The following PLEKHG3 variants were observed in gnomAD, a reference collection of about 807,000 sequenced individuals.
The protein encoded by PLEKHG3 is pleckstrin homology domain-containing family G member 3.
Under a neutral mutation model 94.9 loss-of-function variants are expected in PLEKHG3, and 62 were observed. That is an observed-to-expected ratio of 0.65 (90% CI 0.53 to 0.81). The LOEUF (loss-of-function observed/expected upper bound fraction) is 0.81. Among genes scored for constraint, PLEKHG3 ranks in the 30% least tolerant of loss-of-function variants. The pLI is 0.00. For synonymous variants in PLEKHG3, 614 were observed against 654.0 expected, an observed-to-expected ratio of 0.94 and a Z score of 0.93; for missense variants, 1,461 against 1,619.3, an observed-to-expected ratio of 0.90 and a Z score of 1.68.
chr14:64,741,257 A>G lies in PLEKHG3; in HGVS notation c.1740A>G (p.Glu580=). 7 of 1,613,990 alleles carry G rather than the reference A, an allele frequency of 4.3e-6. No homozygotes were observed. The highest frequency in any genetic ancestry group is 5.9e-6 in the Non-Finnish European group (7 of 1,180,000). ...TTAAGGCCCTGAGCAGCGAGGAGGA[A>G]GAAGAAATGGGAGGTGCCGCCCAGG... ...EDLKALSSEE[E]EEMGGAAQEP... is the part of the protein sequence containing the mutation. The change falls in exon 16 of 17, where the codon GAA becomes GAG. Residue 580 remains glutamate (E), a synonymous_variant. Transcript: ENST00000247226.
intron 1 of PLEKHG3, among the ~76,000 whole-genome samples, chr14:64,709,367 A>G (rs920029084): frequency 1.3e-5 from 2 of 152,200 alleles, no homozygotes; most frequent in African/African-American, 4.8e-5. Flanking sequence ...ACTAGGGAGA[A>G]GAGGGCTTTA....
In PLEKHG3 at chr14:64,729,081, A is replaced by G. The variant is rs2081407178; in HGVS notation, c.437A>G (p.Tyr146Cys). Residue 146 changes from tyrosine to cysteine, a missense_variant, in exon 3 of 17, where the codon TAC becomes TGC. By Grantham distance (194) the Tyr-to-Cys change is radical. This residue lies in a region of PLEKHG3 where 253 missense variants were observed against 297.8 expected (regional missense o/e 0.85). Transcript: ENST00000247226. ...CTCTTTGGGAACATAGAAAATATCT[A>G]CGCGCTGAACAGGTGTGTGAATGGG... ...SALFGNIENIYALNSQLLRDL... is the reference protein window; with the variant it reads ...SALFGNIENICALNSQLLRDL... 2 of 1,482,028 alleles carry G rather than the reference A, an allele frequency of 1.3e-6. No homozygotes were observed. Among genetic ancestry groups the G allele is most frequent in the African/African-American group, 1.4e-5 (1 of 71,772 alleles). The allele number at this position is 1,482,028 out of a possible 1,614,324, so 91.8% of individuals were successfully genotyped here.
chr14:64,730,350 C>T lies in PLEKHG3; in HGVS notation c.519+38C>T. The T allele has an allele frequency of 7.4e-7, 1 of 1,342,502 alleles. No homozygotes were observed. The highest frequency in any genetic ancestry group is 1.0e-6 in the Non-Finnish European group (1 of 970,124). 83.2% of individuals were successfully genotyped at this position (1,342,502 alleles called of 1,614,324 possible). The stretch of plus-strand genomic sequence containing the variant: ...GGGTCCTTGCCTCTGTCCTACCTTG[C>T]TGAGAGCTCAGAGAGACAAGAACTG... On this transcript the variant is annotated intron_variant, in intron 4 of 16. Coordinates refer to ENST00000247226, the MANE Select transcript of PLEKHG3 (RefSeq NM_001308147.2). The surrounding 1 kb of genome is among the most constrained non-coding windows in gnomAD (Gnocchi z 5.4).
In PLEKHG3 at chr14:64,730,777, C is replaced by G; in HGVS notation, c.567-22C>G. On this transcript the variant is annotated intron_variant, in intron 5 of 16. Coordinates refer to ENST00000247226, the MANE Select transcript of PLEKHG3 (RefSeq NM_001308147.2). This position sits in a 1 kb window ranked among gnomAD's most constrained non-coding sequence, Gnocchi z 5.4. ...CATCCAGGCCTTCCCCAGGTGGTGACTGGCCCTTCTCCCACTCCCAGCTCC... is the reference window on the plus strand; with the variant it reads ...CATCCAGGCCTTCCCCAGGTGGTGAGTGGCCCTTCTCCCACTCCCAGCTCC... The G allele has an allele frequency of 6.2e-7, 1 of 1,612,284 alleles. No homozygotes were observed. The highest frequency in any genetic ancestry group is 8.5e-7 in the Non-Finnish European group (1 of 1,178,648).
intron 12 of PLEKHG3, among the ~76,000 whole-genome samples, chr14:64,735,839 A>G (rs2081559291): frequency 1.3e-5 from 2 of 152,228 alleles, no homozygotes; most frequent in Non-Finnish European, 2.9e-5. Flanking sequence ...ATTGATAATT[A>G]AGTTCTATTG....
At position 64,728,491 on chromosome 14, in the gene PLEKHG3, T is replaced by G. The variant is rs1290409176; in HGVS notation, c.352-505T>G. ...CCTTAACAAATGACCACACACTGGG[T>G]GGCTTAAAACAGCAAATGTGTTCTC... On this transcript the variant is annotated intron_variant, in intron 2 of 16. Coordinates refer to ENST00000247226, the MANE Select transcript of PLEKHG3 (RefSeq NM_001308147.2). This position sits in a 1 kb window ranked among gnomAD's most constrained non-coding sequence, Gnocchi z 5.9. 6.6e-6 allele frequency among the ~76,000 whole-genome samples: 1 copy of G among 152,236 alleles called. No individual in the cohort carries two copies. The highest frequency in any genetic ancestry group is 1.5e-5 in the Non-Finnish European group (1 of 68,032).
At position 64,737,454 on chromosome 14, in the gene PLEKHG3, C is replaced by T. The variant is rs978827730; in HGVS notation, c.1404+79C>T. The stretch of plus-strand genomic sequence containing the variant: ...AGGTCAGCCCCCGGCCCCTTCAGCC[C>T]TCATTGTCTTCATTCATTCAACAAA... On this transcript the variant is annotated intron_variant, in intron 14 of 16. Coordinates refer to ENST00000247226, the MANE Select transcript of PLEKHG3 (RefSeq NM_001308147.2). The T allele has an allele frequency of 7.0e-5, 68 of 966,294 alleles. No homozygotes were observed. In the East Asian group the frequency reaches 1.7e-3, roughly 24 times the overall value. 59.9% of individuals were successfully genotyped at this position (966,294 alleles called of 1,614,324 possible). A position where few individuals can be genotyped will look rare whatever the true frequency, so the allele number is the denominator to read the frequency against.
At position 64,725,583 on chromosome 14, in the gene PLEKHG3, A is replaced by G. The variant is rs895493758; in HGVS notation, c.-39-2010A>G. 7.9e-5 allele frequency among the ~76,000 whole-genome samples: 12 copies of G among 152,212 alleles called. No homozygotes were observed. Among genetic ancestry groups the G allele is most frequent in the African/African-American group, 2.7e-4 (11 of 41,440 alleles). On this transcript the variant is annotated intron_variant, in intron 1 of 16. Transcript: ENST00000247226. This position sits in a 1 kb window ranked among gnomAD's most constrained non-coding sequence, Gnocchi z 5.0. ...CCTTTTGAGGAGGGAGGAAAAAGCA[A>G]CAGCCCTACAATTCCCAGGGGGCTC...
At chr14:64,712,530 C>T (rs184208530) in intron 1 of PLEKHG3, among the ~76,000 whole-genome samples, 2 of 152,174 alleles carry the variant, frequency 1.3e-5, no homozygotes, top group East Asian at 1.9e-4. Context: ...ACAAGTCTTA[C>T]ACTTCTTTCG....
Position 64,748,973 on chromosome 14 carries a change from T to A in PLEKHG3, c.*5270T>A. ...TTTTTTTGGTTGGGGGTAAGGGGCC[T>A]GTGCCCCCTCGGCTCAGGAGGAGGG... On this transcript the variant is annotated 3_prime_UTR_variant, in exon 17 of 17. Transcript: ENST00000247226. The A allele has an allele frequency of 4.7e-6, 1 of 214,556 alleles. No individual in the cohort carries two copies. The highest frequency in any genetic ancestry group is 9.1e-6 in the Non-Finnish European group (1 of 110,396). 13.3% of individuals were successfully genotyped at this position (214,556 alleles called of 1,614,324 possible).
Position 64,736,929 on chromosome 14 carries a change from GGGGAGGAGGA to G in PLEKHG3, c.1384+48_1384+57del, listed in dbSNP as rs563638448. 7.9e-3 allele frequency: 12,385 copies of G among 1,558,408 alleles called. 76 individuals are homozygous for G. Among genetic ancestry groups the G allele is most frequent in the Middle Eastern group, 9.3e-3 (55 of 5,942 alleles). ...GGTGGCCAGCCATTCCCAGTGAGCG[GGGGAGGAGGA>G]GGGAGGAGGGGAAGCAGCCGACAAC... On this transcript the variant is annotated intron_variant, in intron 13 of 16. Transcript: ENST00000247226.
rs966632349 is a variant in PLEKHG3, at chr14:64,745,717, C to G, written c.*2014C>G. 6.6e-6 allele frequency: 1 copy of G among 152,274 alleles called. No individual in the cohort carries two copies. The highest frequency in any genetic ancestry group is 2.4e-5 in the African/African-American group (1 of 41,470). 9.4% of individuals were successfully genotyped at this position (152,274 alleles called of 1,614,324 possible). A position where few individuals can be genotyped will look rare whatever the true frequency, so the allele number is the denominator to read the frequency against. The stretch of plus-strand genomic sequence containing the variant: ...TGCTTCTGCTCAAGAGAGGTTGTCA[C>G]TAGCCTCTGATCTTCCCTTGAAGAA... On this transcript the variant is annotated 3_prime_UTR_variant, in exon 17 of 17. Transcript: ENST00000247226. The surrounding 1 kb of genome is among the most constrained non-coding windows in gnomAD (Gnocchi z 5.0).
At chr14:64,729,839 ACT>A (rs1001372547) in intron 3 of PLEKHG3, among the ~76,000 whole-genome samples, 2 of 151,846 alleles carry the variant, frequency 1.3e-5, no homozygotes, top group African/African-American at 4.8e-5. Flanking sequence ...GGGTGCCAGG[ACT>A]CACCTGTCTC....
chr14:64,738,741 G>A lies in PLEKHG3; in HGVS notation c.1405-1G>A. On this transcript the variant is annotated splice_acceptor_variant, in intron 14 of 16. Coordinates refer to ENST00000247226, the MANE Select transcript of PLEKHG3 (RefSeq NM_001308147.2). LOFTEE classifies it high-confidence loss of function. The surrounding 1 kb of genome is among the most constrained non-coding windows in gnomAD (Gnocchi z 4.8). ...TTGATGACTGACCTCTACCTCTGCA[G>A]GGAAAGGGGCGCAGGGAGTCTGAAA... is the stretch of plus-strand genomic sequence containing the variant. 1 of 1,573,976 alleles carries A rather than the reference G, an allele frequency of 6.4e-7. No individual in the cohort carries two copies. Among genetic ancestry groups the A allele is most frequent in the Non-Finnish European group, 8.6e-7 (1 of 1,158,196 alleles).
At position 64,731,782 on chromosome 14, in the gene PLEKHG3, C is replaced by T. The variant is rs528579697; in HGVS notation, c.1101C>T (p.His367=). ...SLCFTVTHYK[H]SKQQYSIQAK... Reference sequence around the variant, plus strand: ...GCTTCACTGTCACCCACTACAAGCACAGCAAGCAGCAGTACAGCATCCAGG... The same window carrying T: ...GCTTCACTGTCACCCACTACAAGCATAGCAAGCAGCAGTACAGCATCCAGG... The change falls in exon 9 of 17, where the codon CAC becomes CAT. Residue 367 remains histidine, a synonymous_variant. Coordinates refer to ENST00000247226, the MANE Select transcript of PLEKHG3 (RefSeq NM_001308147.2). The surrounding 1 kb of genome is among the most constrained non-coding windows in gnomAD (Gnocchi z 6.1). The T allele has an allele frequency of 1.2e-6, 2 of 1,613,266 alleles. No homozygotes were observed. Among genetic ancestry groups the T allele is most frequent in the African/African-American group, 1.3e-5 (1 of 74,994 alleles).
In PLEKHG3 at chr14:64,731,719, C is replaced by T. The variant is rs925357317; in HGVS notation, c.1038C>T (p.Ser346=). 1.2e-6 allele frequency: 2 copies of T among 1,612,254 alleles called. No individual in the cohort carries two copies. Among genetic ancestry groups the T allele is most frequent in the East Asian group, 4.5e-5 (2 of 44,854 alleles). ...TCCTTTCCCTCTGCCCCTAGTGCTCCTCCCTGATGCTGATCGAAAGCACCA... is the reference window on the plus strand; with the variant it reads ...TCCTTTCCCTCTGCCCCTAGTGCTCTTCCCTGATGCTGATCGAAAGCACCA... ...HFVYKGNIPC[S]SLMLIESTRD... The change falls in exon 9 of 17, where the codon TCC becomes TCT. Residue 346 remains serine, a synonymous_variant. Transcript: ENST00000247226. This position sits in a 1 kb window ranked among gnomAD's most constrained non-coding sequence, Gnocchi z 6.1.
intron 13 of PLEKHG3, 93 bp downstream of exon 13, chr14:64,736,984 T>A (rs1364639910): frequency 2.1e-6 from 2 of 936,326 alleles, no homozygotes; most frequent in Non-Finnish European, 3.5e-6. Flanking sequence ...GACCTGAGGG[T>A]GGAGGATTGT....
At chr14:64,710,228 C>T (rs904324201) in intron 1 of PLEKHG3, among the ~76,000 whole-genome samples, 4 of 152,216 alleles carry the variant, frequency 2.6e-5, no homozygotes, top group African/African-American at 9.7e-5. Context: ...ACTCAGCCAC[C>T]CAGCACCCTT....
rs747478710 is a variant in PLEKHG3, at chr14:64,720,717, A to G, written c.-39-6876A>G. Among the ~76,000 whole-genome samples the G allele has an allele frequency of 2.6e-5, 4 of 152,210 alleles. No individual in the cohort carries two copies. Among genetic ancestry groups the G allele is most frequent in the Non-Finnish European group, 4.4e-5 (3 of 68,032 alleles). On this transcript the variant is annotated intron_variant, in intron 1 of 16. Transcript: ENST00000247226. The surrounding 1 kb of genome is among the most constrained non-coding windows in gnomAD (Gnocchi z 4.1). ...AAATTCTGCAATCTTAGTGGCTTAAATCAACACACATTTGTTGTCTTAAAG... is the reference window on the plus strand; with the variant it reads ...AAATTCTGCAATCTTAGTGGCTTAAGTCAACACACATTTGTTGTCTTAAAG...
Sources: allele counts gnomAD v4.1 joint callset (sites outside exome capture counted in the v4.1 genomes callset), GRCh38; gene constraint gnomAD v4.1.1; regional missense constraint gnomAD v4.1.1; non-coding constraint Gnocchi (gnomAD v3.1); transcripts MANE v1.5; gene names NCBI Gene and HGNC (gene_info 2026-07-23, HGNC 2026-07-21).